The following PTPRN2 variants were observed in gnomAD, a reference collection of about 807,000 sequenced individuals.
PTPRN2 encodes protein tyrosine phosphatase receptor type N2.
PTPRN2 carries 74 observed loss-of-function variants against 118.8 expected under a neutral mutation model. The ratio of observed to expected loss-of-function variants is 0.62; its 90% CI spans 0.52 to 0.76. The LOEUF is 0.76. Ranked by LOEUF, PTPRN2 falls within the 30% of genes least tolerant of loss-of-function variation. PTPRN2 has a pLI of 0.00. For synonymous variants in PTPRN2, 641 were observed against 608.0 expected, an observed-to-expected ratio of 1.05 and a Z score of -0.80; for missense variants, 1,481 against 1,394.4, an observed-to-expected ratio of 1.06 and a Z score of -0.99.
intron 5 of PTPRN2, among the ~76,000 whole-genome samples, chr7:158,183,262 A>G (rs1291866071): frequency 6.6e-6 from 1 of 152,136 alleles, no homozygotes; most frequent in East Asian, 1.9e-4. Context: ...TATCTTTTAA[A>G]TGGAGGATTT....
rs79258273 is a variant in PTPRN2 at position 157,621,280 on chromosome 7, T to C, written c.2344+82A>G. ...CGCCCGGAACCCTGGCCTCCTGCCC[T>C]CGGGCCTGGTATGTACAGGTCAGCA... On this transcript the variant is annotated intron_variant, in intron 15 of 22. Transcript: ENST00000389418. 1,580 of 680,386 alleles carry C rather than the reference T, an allele frequency of 2.3e-3. 4 individuals are homozygous for C. Among genetic ancestry groups the C allele is most frequent in the African/African-American group, 7.4e-3 (146 of 19,818 alleles). The allele number at this position is 680,386 out of a possible 1,614,324, so 42.1% of individuals were successfully genotyped here.
intron 2 of PTPRN2, among the ~76,000 whole-genome samples, chr7:158,384,642 G>A (rs1184854797): frequency 6.6e-6 from 1 of 152,166 alleles, no homozygotes; most frequent in Non-Finnish European, 1.5e-5. Context: ...AGCCAGAAGG[G>A]TGTTTGTGGG....
Position 158,107,853 on chromosome 7 carries a change from C to G in PTPRN2, c.1643+2976G>C, listed in dbSNP as rs770532619. On this transcript the variant is annotated intron_variant, in intron 10 of 22. Coordinates refer to ENST00000389418, the MANE Select transcript of PTPRN2 (RefSeq NM_002847.5). ...TATCTGCATCTGCCCTGCACCTGCC[C>G]CCTCTCACACATGGATCCCTGCACA... Among the ~76,000 whole-genome samples, 45 of 150,614 alleles carry G rather than the reference C, an allele frequency of 3.0e-4. 1 individual carries two copies. Among genetic ancestry groups the G allele is most frequent in the Non-Finnish European group, 5.5e-4 (37 of 67,612 alleles).
chr7:157,818,583 C>G (rs974934420), intron 12 of PTPRN2, among the ~76,000 whole-genome samples: 13 of 152,154 alleles, frequency 8.5e-5, no homozygotes, highest in Middle Eastern at 3.4e-3. Flanking sequence ...GCCACGACAC[C>G]GAGGCCCCCA....
At chr7:158,556,776 A>G (rs1205258046) in intron 1 of PTPRN2, among the ~76,000 whole-genome samples, 2 of 146,946 alleles carry the variant, frequency 1.4e-5, no homozygotes, top group Non-Finnish European at 3.0e-5. Context: ...GCTCCCACGC[A>G]GGTCGCTCCC....
intron 1 of PTPRN2, among the ~76,000 whole-genome samples, chr7:158,577,143 G>A (rs1278763646): frequency 8.7e-6 from 1 of 115,594 alleles, no homozygotes; most frequent in Non-Finnish European, 1.8e-5. Flanking sequence ...GAATGCCACA[G>A]ACAGCATGGG....
chr7:158,379,197 G>A (rs144061313), intron 2 of PTPRN2, among the ~76,000 whole-genome samples: 4 of 152,322 alleles, frequency 2.6e-5, no homozygotes, highest in African/African-American at 4.8e-5. Flanking sequence ...GTGTCCACAC[G>A]TAGGATGCTC....
In PTPRN2 at chr7:157,779,735, G is replaced by T. The variant is rs543949899; in HGVS notation, c.1789-96798C>A. Among the ~76,000 whole-genome samples the T allele has an allele frequency of 6.6e-6, 1 of 152,198 alleles. No individual in the cohort carries two copies. Among genetic ancestry groups the T allele is most frequent in the Non-Finnish European group, 1.5e-5 (1 of 68,028 alleles). ...GAGGGGTCCTGAGGGTCTGGGGAAG[G>T]CGCTGTGGCCTGAATGCTCACCCTA... On this transcript the variant is annotated intron_variant, in intron 12 of 22. Transcript: ENST00000389418. This position sits in a 1 kb window ranked among gnomAD's most constrained non-coding sequence, Gnocchi z 4.7.
chr7:158,008,589 C>T (rs1229886410), intron 11 of PTPRN2, among the ~76,000 whole-genome samples: 1 of 152,222 alleles, frequency 6.6e-6, no homozygotes, highest in African/African-American at 2.4e-5. Context: ...TTACAAATTG[C>T]ACCTGAACAA....
At chr7:158,521,574 AG>A (rs1563387240) in intron 1 of PTPRN2, among the ~76,000 whole-genome samples, 2 of 101,726 alleles carry the variant, frequency 2.0e-5, no homozygotes, top group African/African-American at 4.5e-5. Flanking sequence ...GTACTGGCTC[AG>A]GGGGGAGGTC....
At chr7:158,293,685 G>A (rs1014182536) in intron 3 of PTPRN2, among the ~76,000 whole-genome samples, 2 of 151,628 alleles carry the variant, frequency 1.3e-5, no homozygotes, top group African/African-American at 4.9e-5. Context: ...TATAAAAATA[G>A]TCTCTTTATA....
At chr7:158,421,446 G>A (rs1815240001) in intron 2 of PTPRN2, among the ~76,000 whole-genome samples, 1 of 152,234 alleles carries the variant, frequency 6.6e-6, no homozygotes, top group Non-Finnish European at 1.5e-5. Context: ...AAGCGACATT[G>A]AAAGTTTTTG....
chr7:157,794,769 C>T lies in PTPRN2; in HGVS notation c.1788+103904G>A, dbSNP rs1050999687. Among the ~76,000 whole-genome samples, 3 of 152,208 alleles carry T rather than the reference C, an allele frequency of 2.0e-5. No individual in the cohort carries two copies. In the East Asian group the frequency reaches 5.8e-4, roughly 29 times the overall value. ...TTGTGGAGACAGCTCACCAGCAGAA[C>T]AGTGAGCTACCTTCTCTCCCAGTAA... On this transcript the variant is annotated intron_variant, in intron 12 of 22. Transcript: ENST00000389418. The surrounding 1 kb of genome is among the most constrained non-coding windows in gnomAD (Gnocchi z 5.2).
chr7:158,350,892 C>T (rs577837018), intron 2 of PTPRN2, among the ~76,000 whole-genome samples: 1 of 152,300 alleles, frequency 6.6e-6, no homozygotes, highest in Admixed American at 6.5e-5. Context: ...TGTTGGAATA[C>T]AAATCAATTT....
intron 11 of PTPRN2, among the ~76,000 whole-genome samples, chr7:158,077,658 A>G (rs1443169071): frequency 6.6e-6 from 1 of 152,092 alleles, no homozygotes; most frequent in Non-Finnish European, 1.5e-5. Context: ...CCTGAAGGAA[A>G]CGGCCGAGCA....
At chr7:157,635,344 G>T (rs2150680050) in intron 14 of PTPRN2, among the ~76,000 whole-genome samples, 1 of 152,376 alleles carries the variant, frequency 6.6e-6, no homozygotes, top group Middle Eastern at 3.4e-3. Flanking sequence ...AAGGCCTCTT[G>T]TGTCCAAGGC....
chr7:158,495,444 C>G (rs1010166689), intron 1 of PTPRN2, among the ~76,000 whole-genome samples: 1 of 152,168 alleles, frequency 6.6e-6, no homozygotes, highest in African/African-American at 2.4e-5. Flanking sequence ...TCCCTTCTCC[C>G]TTGCATTCTC....
At chr7:158,012,341 C>G (rs1256104897) in intron 11 of PTPRN2, among the ~76,000 whole-genome samples, 1 of 152,064 alleles carries the variant, frequency 6.6e-6, no homozygotes, top group Non-Finnish European at 1.5e-5. Flanking sequence ...GTGAGACTGA[C>G]TCCAGCAAGC....
intron 12 of PTPRN2, among the ~76,000 whole-genome samples, chr7:157,817,073 G>GT (rs1157168555): frequency 2.0e-5 from 3 of 152,200 alleles, no homozygotes; most frequent in African/African-American, 7.2e-5. Context: ...GAGGGAGGCT[G>GT]TGCACCGGGG....
Sources: gnomAD v4.1 joint callset for allele counts (sites outside exome capture counted in the v4.1 genomes callset) on GRCh38, gnomAD v4.1.1 for gene constraint, Gnocchi (gnomAD v3.1) non-coding constraint, MANE v1.5 for transcripts, NCBI Gene and HGNC (gene_info 2026-07-23, HGNC 2026-07-21) for gene names.